The following BAZ2B variants were observed in gnomAD, a reference collection of about 807,000 sequenced individuals.
BAZ2B encodes bromodomain adjacent to zinc finger domain 2B.
A neutral mutation model predicts 246.0 loss-of-function variants in BAZ2B; 91 were observed. That is an observed-to-expected ratio of 0.37 (90% CI 0.31 to 0.44). The LOEUF is 0.44. BAZ2B is among the 20% of genes least tolerant of loss of function. The pLI is 1.00. For synonymous variants in BAZ2B, 855 were observed against 860.0 expected, an observed-to-expected ratio of 0.99 and a Z score of 0.10; for missense variants, 2,332 against 2,533.7, an observed-to-expected ratio of 0.92 and a Z score of 1.71.
the BAZ2B span, among the ~76,000 whole-genome samples, chr2:159,700,002 T>A: frequency 6.6e-6 from 1 of 152,146 alleles, no homozygotes; most frequent in African/African-American, 2.4e-5. Context: ...CCCACTCCCC[T>A]CAAGCCCTTT....
intron 27 of BAZ2B, among the ~76,000 whole-genome samples, chr2:159,355,840 G>A (rs576879466): frequency 6.6e-6 from 1 of 152,272 alleles, no homozygotes; most frequent in South Asian, 2.1e-4. Flanking sequence ...CACAGAAGGC[G>A]GCCGAAGTAG....
At chr2:159,709,649 C>T in the BAZ2B span, among the ~76,000 whole-genome samples, 2 of 152,116 alleles carry the variant, frequency 1.3e-5, no homozygotes, top group African/African-American at 4.8e-5. Context: ...CAATGTCCCA[C>T]CATTTATGCA....
chr2:159,414,277 G>C (rs1297876974), intron 13 of BAZ2B, among the ~76,000 whole-genome samples: 2 of 152,134 alleles, frequency 1.3e-5, no homozygotes, highest in Non-Finnish European at 2.9e-5. Context: ...GAAGGATAGT[G>C]AGAGGAGAGG....
At chr2:159,366,017 G>A (rs1357990546) in intron 27 of BAZ2B, among the ~76,000 whole-genome samples, 1 of 152,130 alleles carries the variant, frequency 6.6e-6, no homozygotes, top group Non-Finnish European at 1.5e-5. Context: ...AGGACCTTCT[G>A]GAAATTCTAC....
intron 33 of BAZ2B, among the ~76,000 whole-genome samples, chr2:159,335,103 T>C (rs1049435014): frequency 2.0e-5 from 3 of 152,126 alleles, no homozygotes; most frequent in Admixed American, 1.3e-4. Context: ...TCTCTCTCTT[T>C]TTTAAAAAAA....
chr2:159,330,323 G>A (rs1223820044), intron 34 of BAZ2B, among the ~76,000 whole-genome samples: 4 of 152,120 alleles, frequency 2.6e-5, no homozygotes, highest in African/African-American at 7.2e-5. Flanking sequence ...TCAGGAAGGT[G>A]GGGAGAAATC....
At chr2:159,463,131 A>G in intron 3 of BAZ2B, 1 of 656,978 alleles carries the variant, frequency 1.5e-6, no homozygotes, top group South Asian at 1.7e-5. Flanking sequence ...GGAGACTGTC[A>G]TTATTACATA....
At chr2:159,599,684 C>A (rs1166673331) in intron 1 of BAZ2B, among the ~76,000 whole-genome samples, 1 of 151,376 alleles carries the variant, frequency 6.6e-6, no homozygotes, top group Non-Finnish European at 1.5e-5. Context: ...CGCCTGTAAT[C>A]CCAGCAGTTT....
chr2:159,558,086 C>T (rs951960727), intron 1 of BAZ2B, among the ~76,000 whole-genome samples: 2 of 151,962 alleles, frequency 1.3e-5, no homozygotes, highest in Non-Finnish European at 2.9e-5. Context: ...GTATTAGGAA[C>T]AAGGATAGCA....
At chr2:159,338,683 T>G (rs1474212074) in intron 31 of BAZ2B, among the ~76,000 whole-genome samples, 3 of 152,200 alleles carry the variant, frequency 2.0e-5, no homozygotes, top group Non-Finnish European at 4.4e-5. Context: ...AATTCTATAA[T>G]TTGCTCTTCC....
rs2062532893 is a variant in BAZ2B at position 159,320,143 on chromosome 2, T to TA, written c.*121dup. 3.4e-6 allele frequency: 3 copies of TA among 887,630 alleles called. No individual in the cohort carries two copies. Among genetic ancestry groups the TA allele is most frequent in the Admixed American group, 4.3e-5 (1 of 23,472 alleles). 55.0% of individuals were successfully genotyped at this position (887,630 alleles called of 1,614,324 possible). On this transcript the variant is annotated 3_prime_UTR_variant, in exon 37 of 37. Transcript: ENST00000392783. ...TATCATTCTTCTGATACTTTTTTTT[T>TA]ATACTTAAGGAAAAAGAAAGTCATT... is the stretch of plus-strand genomic sequence containing the variant.
intron 1 of BAZ2B, among the ~76,000 whole-genome samples, chr2:159,593,737 C>G (rs2151716249): frequency 6.6e-6 from 1 of 152,258 alleles, no homozygotes; most frequent in South Asian, 2.1e-4. Context: ...TAATAGTTGT[C>G]TAGTTATTAG....
intron 1 of BAZ2B, among the ~76,000 whole-genome samples, chr2:159,577,968 CTCACTTGTTT>C (rs1280587492): frequency 6.6e-6 from 1 of 152,080 alleles, no homozygotes; most frequent in African/African-American, 2.4e-5. Flanking sequence ...TGTCTGAAAC[CTCACTTGTTT>C]TCACTTGTCA....
In BAZ2B at chr2:159,419,348, T is replaced by TA. The variant is rs3836178; in HGVS notation, c.2467-6804dup. Among the ~76,000 whole-genome samples, 1,297 of 152,226 alleles carry TA rather than the reference T, an allele frequency of 8.5e-3. 56 individuals are homozygous for TA. The highest frequency in any genetic ancestry group is 0.065 in the Admixed American group (990 of 15,286). ...TTGCGACGAAATTTGACAATTCACATAAAAAAATTAACATCATGAGAAAAA... is the reference window on the plus strand; with the variant it reads ...TTGCGACGAAATTTGACAATTCACATAAAAAAAATTAACATCATGAGAAAAA... On this transcript the variant is annotated intron_variant, in intron 13 of 36. Transcript: ENST00000392783.
intron 3 of BAZ2B, among the ~76,000 whole-genome samples, chr2:159,457,238 T>C (rs960887276): frequency 6.6e-6 from 1 of 152,180 alleles, no homozygotes; most frequent in Non-Finnish European, 1.5e-5. Context: ...GGAACTCATG[T>C]TTTGAGCATA....
the BAZ2B span, among the ~76,000 whole-genome samples, chr2:159,703,356 C>A: frequency 6.6e-6 from 1 of 151,936 alleles, no homozygotes; most frequent in South Asian, 2.1e-4. Context: ...AGCCTCCCAA[C>A]ATGCTGGGAT....
At chr2:159,635,607 C>CT in the BAZ2B span, among the ~76,000 whole-genome samples, 9,763 of 143,960 alleles carry the variant, frequency 0.068, 407 homozygotes, top group Middle Eastern at 0.18. Flanking sequence ...TAATTTGTTT[C>CT]TTTTTTTTTT....
chr2:159,573,352 C>A (rs1334651844), intron 1 of BAZ2B, among the ~76,000 whole-genome samples: 5 of 152,142 alleles, frequency 3.3e-5, no homozygotes, highest in Admixed American at 2.0e-4. Flanking sequence ...AAGAAACAAA[C>A]CCTTGCTTAC....
chr2:159,337,826 G>A, intron 31 of BAZ2B, 54 bp from the exon 32 acceptor site: 3 of 1,514,306 alleles, frequency 2.0e-6, no homozygotes, highest in Non-Finnish European at 2.7e-6. Context: ...TGCTAGGTGG[G>A]TGAATTACCT....
Sources: allele counts gnomAD v4.1 joint callset (sites outside exome capture counted in the v4.1 genomes callset), GRCh38; gene constraint gnomAD v4.1.1; transcripts MANE v1.5; gene names NCBI Gene and HGNC (gene_info 2026-07-23, HGNC 2026-07-21).